PIK3C2G: variants seen among roughly 807,000 people sequenced by gnomAD.
PIK3C2G encodes phosphatidylinositol-4-phosphate 3-kinase catalytic subunit type 2 gamma, also known as phosphatidylinositol 3-kinase C2 domain-containing subunit gamma.
A neutral mutation model predicts 181.1 loss-of-function variants in PIK3C2G; 168 were observed. The ratio of observed to expected loss-of-function variants is 0.93; its 90% confidence interval spans 0.82 to 1.05. PIK3C2G has a LOEUF of 1.05. Among genes scored for constraint, PIK3C2G ranks in the 50% least tolerant of loss-of-function variants. The pLI, the probability that PIK3C2G is intolerant of heterozygous loss-of-function variation, is 0.00. For missense variants in PIK3C2G, 1,869 were observed against 1,732.8 expected, an observed-to-expected ratio of 1.08 and a Z score of -1.40; for synonymous variants, 573 against 592.2, an observed-to-expected ratio of 0.97 and a Z score of 0.47.
At chr12:18,266,742 C>T (rs1255974081) in intron 1 of PIK3C2G, among the ~76,000 whole-genome samples, 2 of 152,088 alleles carry the variant, frequency 1.3e-5, no homozygotes, top group African/African-American at 4.8e-5. Context: ...GGCAGTTTGT[C>T]TTTACAAGTA....
At chr12:18,352,724 G>A (rs1247401151) in intron 11 of PIK3C2G, among the ~76,000 whole-genome samples, 1 of 152,214 alleles carries the variant, frequency 6.6e-6, no homozygotes, top group Non-Finnish European at 1.5e-5. Context: ...CAGCAGGATG[G>A]AGAGCTAGAA....
chr12:18,261,840 T>G (rs1948249531), intron 1 of PIK3C2G, among the ~76,000 whole-genome samples: 1 of 152,080 alleles, frequency 6.6e-6, no homozygotes, highest in Non-Finnish European at 1.5e-5. Context: ...CTCTGCCTCT[T>G]TCTTTCTCTC....
the PIK3C2G span, among the ~76,000 whole-genome samples, chr12:18,677,310 A>G: frequency 6.6e-6 from 1 of 152,156 alleles, no homozygotes; most frequent in Non-Finnish European, 1.5e-5. Context: ...AAGCTAAGCC[A>G]GGCACACGAC....
the PIK3C2G span, among the ~76,000 whole-genome samples, chr12:18,658,642 G>A: frequency 2.6e-5 from 4 of 152,178 alleles, no homozygotes; most frequent in Admixed American, 6.5e-5. Flanking sequence ...ATAAATAATA[G>A]CATTAAAGTA....
chr12:18,640,395 A>T, intron 31 of PIK3C2G, 34 bp from the exon 32 acceptor site: 1 of 1,584,198 alleles, frequency 6.3e-7, no homozygotes, highest in African/African-American at 1.3e-5. Context: ...TGATAGCAAC[A>T]TGCATTAATA....
chr12:18,637,597 C>T (rs1949663880), intron 31 of PIK3C2G, among the ~76,000 whole-genome samples: 4 of 152,098 alleles, frequency 2.6e-5, no homozygotes, highest in African/African-American at 7.2e-5. Flanking sequence ...GCAACTTGGC[C>T]CCTGCCACAC....
At chr12:18,472,050 T>C (rs1938513720) in intron 18 of PIK3C2G, among the ~76,000 whole-genome samples, 1 of 152,148 alleles carries the variant, frequency 6.6e-6, no homozygotes, top group African/African-American at 2.4e-5. Context: ...CACTGAACTT[T>C]CTCAGTCACC....
chr12:18,699,960 A>C, the PIK3C2G span: 1 of 1,603,822 alleles, frequency 6.2e-7, no homozygotes, highest in Non-Finnish European at 8.5e-7. Flanking sequence ...TCTAAAAATA[A>C]AATGCAGTAA....
At chr12:18,694,005 G>A in the PIK3C2G span, 95 of 1,484,254 alleles carry the variant, frequency 6.4e-5, no homozygotes, top group Non-Finnish European at 8.4e-5. Context: ...TTAAGAGAAC[G>A]TAGAATGAAA....
intron 26 of PIK3C2G, among the ~76,000 whole-genome samples, chr12:18,546,974 T>C (rs1236878357): frequency 1.3e-5 from 2 of 152,006 alleles, no homozygotes; most frequent in African/African-American, 4.8e-5. Context: ...ACAGTACATT[T>C]TATAAGATCT....
the PIK3C2G span, among the ~76,000 whole-genome samples, chr12:18,697,117 A>G: frequency 6.6e-6 from 1 of 152,010 alleles, no homozygotes; most frequent in Non-Finnish European, 1.5e-5. Context: ...TTCTTTTTTC[A>G]TTAAACAGAT....
intron 7 of PIK3C2G, among the ~76,000 whole-genome samples, chr12:18,322,238 C>T (rs1024297383): frequency 6.6e-6 from 1 of 151,654 alleles, no homozygotes; most frequent in Non-Finnish European, 1.5e-5. Flanking sequence ...AAAAATTAGC[C>T]GGGCATGGTG....
chr12:18,258,188 T>C (rs947511381), upstream of PIK3C2G, among the ~76,000 whole-genome samples: 1 of 152,200 alleles, frequency 6.6e-6, no homozygotes, highest in Non-Finnish European at 1.5e-5. Flanking sequence ...TTATATTGTA[T>C]ATATTTATGG....
At chr12:18,576,476 G>A (rs1946236910) in intron 29 of PIK3C2G, among the ~76,000 whole-genome samples, 2 of 152,158 alleles carry the variant, frequency 1.3e-5, no homozygotes. Flanking sequence ...TGAACAGTAT[G>A]TGCTCACTCA....
At chr12:18,243,426 G>A (rs533572604), upstream of PIK3C2G, among the ~76,000 whole-genome samples, 15 of 151,936 alleles carry the variant, frequency 9.9e-5, no homozygotes, top group Non-Finnish European at 2.2e-4. Flanking sequence ...ATCCCAGAAA[G>A]GTTAAATCAT....
chr12:18,677,291 G>C, the PIK3C2G span, among the ~76,000 whole-genome samples: 5 of 152,120 alleles, frequency 3.3e-5, no homozygotes, highest in Non-Finnish European at 7.4e-5. Flanking sequence ...GAGCAAGACA[G>C]TTTCTAGAAA....
chr12:18,664,620 C>A, the PIK3C2G span, among the ~76,000 whole-genome samples: 1 of 151,830 alleles, frequency 6.6e-6, no homozygotes, highest in African/African-American at 2.4e-5. Flanking sequence ...GGATCTAGAA[C>A]TAGAAAGACC....
At chr12:18,701,858 T>C in the PIK3C2G span, 1 of 1,521,876 alleles carries the variant, frequency 6.6e-7, no homozygotes, top group Non-Finnish European at 8.8e-7. Context: ...TGTTTCACTA[T>C]ATTTCCAATT....
At chr12:18,607,163 A>G (rs1244056349) in intron 30 of PIK3C2G, 2 of 517,068 alleles carry the variant, frequency 3.9e-6, no homozygotes, top group Admixed American at 3.9e-5. Flanking sequence ...TTGCGTTTTA[A>G]TTAAGCTTTG....
Sources: allele counts gnomAD v4.1 joint callset (sites outside exome capture counted in the v4.1 genomes callset), GRCh38; gene constraint gnomAD v4.1.1; transcripts MANE v1.5; gene names NCBI Gene and HGNC (gene_info 2026-07-23, HGNC 2026-07-21).